Variants in B4GALNT3 observed in about 807,000 individuals in gnomAD.
B4GALNT3 encodes the protein beta-1,4-N-acetylgalactosaminyltransferase 3.
B4GALNT3 carries 86 observed loss-of-function variants against 120.2 expected under a neutral mutation model. The ratio of observed to expected loss-of-function variants is 0.72; its 90% CI spans 0.60 to 0.86. The LOEUF is 0.86. B4GALNT3 is among the 40% of genes least tolerant of loss of function. The pLI is 0.00. For synonymous variants in B4GALNT3, 518 were observed against 510.4 expected, an observed-to-expected ratio of 1.01 and a Z score of -0.20; for missense variants, 1,167 against 1,298.9, an observed-to-expected ratio of 0.90 and a Z score of 1.56.
intron 7 of B4GALNT3, among the ~76,000 whole-genome samples, chr12:547,454 C>T (rs913623087): frequency 1.3e-5 from 2 of 152,160 alleles, no homozygotes; most frequent in Non-Finnish European, 2.9e-5. Flanking sequence ...GTGTGCACCC[C>T]ATAAATATGC....
chr12:464,597 A>T (rs545115777), intron 1 of B4GALNT3, among the ~76,000 whole-genome samples: 18 of 151,578 alleles, frequency 1.2e-4, no homozygotes, highest in African/African-American at 3.9e-4. Flanking sequence ...GCACCACTGT[A>T]CTCCAGCCTG....
At chr12:513,606 A>T (rs1946621089) in intron 1 of B4GALNT3, among the ~76,000 whole-genome samples, 1 of 152,092 alleles carries the variant, frequency 6.6e-6, no homozygotes, top group African/African-American at 2.4e-5. Flanking sequence ...CCTGTATCTT[A>T]TGCCTCCTAT....
intron 17 of B4GALNT3, 61 bp from the exon 18 acceptor site, chr12:558,447 C>A: frequency 6.6e-7 from 1 of 1,517,384 alleles, no homozygotes; most frequent in Non-Finnish European, 9.0e-7. Flanking sequence ...TCCTAGACGG[C>A]GACCTGACCT....
At chr12:512,212 CCACCTTCCACCTT>C (rs1443718932) in intron 1 of B4GALNT3, among the ~76,000 whole-genome samples, 1 of 117,794 alleles carries the variant, frequency 8.5e-6, no homozygotes, top group Non-Finnish European at 1.8e-5. Context: ...CTTCCACCTT[CCACCTTCCACCTT>C]CTTCCACCTT....
intron 14 of B4GALNT3, chr12:555,251 C>T (rs893675723): frequency 1.4e-5 from 6 of 417,970 alleles, no homozygotes; most frequent in East Asian, 7.5e-5. Context: ...CCTCCTCCTA[C>T]CCCCAGTAGT....
intron 14 of B4GALNT3, 75 bp downstream of exon 14, chr12:554,058 A>G (rs11063564): frequency 0.41 from 417,161 of 1,026,830 alleles, 87,975 homozygotes; most frequent in African/African-American, 0.55. Context: ...CAGGGGCCTA[A>G]GGGCTGGTAG....
At chr12:487,934 G>C (rs1946305782) in intron 1 of B4GALNT3, among the ~76,000 whole-genome samples, 2 of 152,090 alleles carry the variant, frequency 1.3e-5, no homozygotes, top group South Asian at 4.1e-4. Context: ...TTGGGCAACA[G>C]AGCAAGGCCC....
At chr12:531,120 G>A (rs772859635) in intron 1 of B4GALNT3, among the ~76,000 whole-genome samples, 2 of 152,198 alleles carry the variant, frequency 1.3e-5, no homozygotes, top group Non-Finnish European at 1.5e-5. Flanking sequence ...GGGGGGCTAA[G>A]CAATGCCTGG....
intron 1 of B4GALNT3, among the ~76,000 whole-genome samples, chr12:476,921 T>G (rs1402746581): frequency 6.6e-6 from 1 of 152,210 alleles, no homozygotes; most frequent in Non-Finnish European, 1.5e-5. Flanking sequence ...ACATCTCCAA[T>G]AGAACATGAA....
rs538882195 is a variant in B4GALNT3 at position 549,661 on chromosome 12, C to T, written c.854-108C>T. The T allele has an allele frequency of 7.1e-5, 100 of 1,406,870 alleles. No individual in the cohort carries two copies. The Admixed American group carries it at 1.7e-3, about 23-fold the overall frequency. 87.1% of individuals were successfully genotyped at this position (1,406,870 alleles called of 1,614,324 possible). ...GGCTGCGCACATCCTACACCGTCGC[C>T]GCTGGAGTCAGGAGCCCCTTCTGCG... On this transcript the variant is annotated intron_variant, in intron 9 of 19. Coordinates refer to ENST00000266383, the MANE Select transcript of B4GALNT3 (RefSeq NM_173593.4).
intron 3 of B4GALNT3, 70 bp downstream of exon 3, chr12:536,365 A>G: frequency 7.2e-7 from 1 of 1,382,606 alleles, no homozygotes; most frequent in Non-Finnish European, 1.0e-6. Context: ...AATTCCAGAG[A>G]TCACAGAAAA....
chr12:510,801 C>T (rs999480483), intron 1 of B4GALNT3, among the ~76,000 whole-genome samples: 1 of 151,976 alleles, frequency 6.6e-6, no homozygotes, highest in Admixed American at 6.6e-5. Flanking sequence ...GGCTATAAGT[C>T]GGCCAGCCTC....
chr12:477,060 T>C (rs1946192674), intron 1 of B4GALNT3, among the ~76,000 whole-genome samples: 1 of 152,182 alleles, frequency 6.6e-6, no homozygotes, highest in Admixed American at 6.5e-5. Flanking sequence ...ATTTTACCAG[T>C]GAAGAATTGA....
rs547497720 is a variant in B4GALNT3, at chr12:510,403, TC to T, written c.170-24758del. ...AAGCACAATGGGAAGGGCTAGCAGC[TC>T]CCCCGATCCTCTTCCTACTGTGACC... On this transcript the variant is annotated intron_variant, in intron 1 of 19. Transcript: ENST00000266383. 1.5e-3 allele frequency among the ~76,000 whole-genome samples: 198 copies of T among 128,656 alleles called. 1 individual carries two copies. Among genetic ancestry groups the T allele is most frequent in the African/African-American group, 5.3e-3 (193 of 36,444 alleles). The allele number at this position is 128,656 out of a possible 152,430, so 84.4% of individuals were successfully genotyped here. A position where few individuals can be genotyped will look rare whatever the true frequency, so the allele number is the denominator to read the frequency against.
intron 1 of B4GALNT3, among the ~76,000 whole-genome samples, chr12:471,240 C>A (rs1487966922): frequency 1.3e-5 from 2 of 150,854 alleles, no homozygotes; most frequent in Non-Finnish European, 3.0e-5. Flanking sequence ...CAAAAATTAG[C>A]TGGACGTGGT....
intron 1 of B4GALNT3, among the ~76,000 whole-genome samples, chr12:492,920 T>C (rs551581366): frequency 2.7e-5 from 4 of 150,050 alleles, no homozygotes; most frequent in African/African-American, 9.7e-5. Flanking sequence ...AACCTAGACA[T>C]AGTTCTTACA....
intron 1 of B4GALNT3, among the ~76,000 whole-genome samples, chr12:487,169 A>G (rs190612164): frequency 4.6e-5 from 7 of 152,336 alleles, no homozygotes. Flanking sequence ...ACAAAAACAT[A>G]ACAGAATATC....
intron 1 of B4GALNT3, among the ~76,000 whole-genome samples, chr12:497,954 C>T (rs1275605379): frequency 6.6e-6 from 1 of 152,192 alleles, no homozygotes; most frequent in Non-Finnish European, 1.5e-5. Flanking sequence ...GGGTATGACA[C>T]ACACTCGATT....
At chr12:555,311 G>T (rs139905066) in intron 14 of B4GALNT3, 1 of 455,702 alleles carries the variant, frequency 2.2e-6, no homozygotes, top group African/African-American at 2.0e-5. Context: ...TTCCTATTCC[G>T]GACATCTTAT....
Sources: gnomAD v4.1 joint callset for allele counts (sites outside exome capture counted in the v4.1 genomes callset) on GRCh38, gnomAD v4.1.1 for gene constraint, MANE v1.5 for transcripts, NCBI Gene and HGNC (gene_info 2026-07-23, HGNC 2026-07-21) for gene names.